Variants in CALN1 observed in about 807,000 individuals in gnomAD.
CALN1 encodes the protein calcium-binding protein 8.
CALN1 carries 17 observed loss-of-function variants against 30.6 expected under a neutral mutation model. The observed-to-expected ratio is 0.56, with a 90% CI of 0.38 to 0.83. The LOEUF is 0.83. Ranked by LOEUF, CALN1 falls within the 40% of genes least tolerant of loss-of-function variation. The pLI, the probability that CALN1 is intolerant of heterozygous loss-of-function variation, is 0.00. For synonymous variants in CALN1, 156 were observed against 131.4 expected (o/e 1.19, Z -1.28); for missense variants, 291 against 354.9 (o/e 0.82, Z 1.45).
chr7:72,387,574 C>T lies in CALN1; in HGVS notation c.119+15677G>A, dbSNP rs545122681. 1.4e-3 allele frequency among the ~76,000 whole-genome samples: 219 copies of T among 152,128 alleles called. 8 individuals are homozygous for T. In the South Asian group the frequency reaches 0.044, roughly 31 times the overall value. ...TTTGATACAATGTGATGAAAATGGC[C>T]CTTCCCCTCTGTGATCTTCCTCCCC... On this transcript the variant is annotated intron_variant, in intron 2 of 6. Coordinates refer to ENST00000395275, the MANE Select transcript of CALN1 (RefSeq NM_031468.4).
chr7:72,381,847 A>G (rs1408650993), intron 2 of CALN1, among the ~76,000 whole-genome samples: 1 of 152,244 alleles, frequency 6.6e-6, no homozygotes, highest in Non-Finnish European at 1.5e-5. Context: ...CATGTATCCC[A>G]GAACTTAAAG....
intron 5 of CALN1, among the ~76,000 whole-genome samples, chr7:71,977,030 C>T (rs1166556814): frequency 6.6e-6 from 1 of 152,186 alleles, no homozygotes; most frequent in Non-Finnish European, 1.5e-5. Flanking sequence ...AAGCCAACCA[C>T]AAACAGACGA....
At chr7:72,483,478 T>C in the CALN1 span, among the ~76,000 whole-genome samples, 285 of 152,118 alleles carry the variant, frequency 1.9e-3, 6 homozygotes, top group East Asian at 0.054. Context: ...AGAGACGGAG[T>C]TTCACCATGT....
intron 4 of CALN1, among the ~76,000 whole-genome samples, chr7:72,053,565 G>A (rs1396387870): frequency 6.6e-6 from 1 of 151,994 alleles, no homozygotes; most frequent in Non-Finnish European, 1.5e-5. Flanking sequence ...AACCTTACCA[G>A]CATGTGTCAT....
chr7:72,364,257 G>A (rs1237513719), intron 2 of CALN1, among the ~76,000 whole-genome samples: 2 of 151,284 alleles, frequency 1.3e-5, no homozygotes, highest in South Asian at 4.2e-4. Context: ...AGAAATCCCA[G>A]TGAGATTTAG....
intron 2 of CALN1, among the ~76,000 whole-genome samples, chr7:72,323,154 C>G (rs2968531): frequency 0.35 from 53,355 of 151,614 alleles, 10,217 homozygotes; most frequent in Middle Eastern, 0.52. Context: ...TGAGAGGGAC[C>G]CTGTAGAGAG....
the CALN1 span, among the ~76,000 whole-genome samples, chr7:72,459,475 C>T: frequency 2.6e-5 from 4 of 152,158 alleles, no homozygotes; most frequent in Middle Eastern, 6.8e-3. Context: ...CAGAGGCAAG[C>T]TAAGCTGGGC....
chr7:71,879,483 C>T (rs1192786691), intron 5 of CALN1, among the ~76,000 whole-genome samples: 1 of 152,174 alleles, frequency 6.6e-6, no homozygotes, highest in Non-Finnish European at 1.5e-5. Flanking sequence ...GAGGTGGAGG[C>T]TTCCCTTCCA....
At chr7:72,254,425 G>GCAT (rs1795775157) in intron 3 of CALN1, among the ~76,000 whole-genome samples, 1 of 152,114 alleles carries the variant, frequency 6.6e-6, no homozygotes, top group African/African-American at 2.4e-5. Flanking sequence ...CGTGATGCAT[G>GCAT]AGTCCCCTGC....
chr7:71,797,459 C>A (rs921252172), intron 6 of CALN1, among the ~76,000 whole-genome samples: 2 of 152,094 alleles, frequency 1.3e-5, no homozygotes, highest in African/African-American at 4.8e-5. Context: ...TTTGTATACA[C>A]CAATGATATC....
chr7:72,315,131 CAG>C (rs1200575048), intron 2 of CALN1, among the ~76,000 whole-genome samples: 1 of 151,998 alleles, frequency 6.6e-6, no homozygotes, highest in African/African-American at 2.4e-5. Flanking sequence ...GCCTAGGTGA[CAG>C]AGTGAGACCC....
At chr7:72,026,160 C>T (rs10229928) in intron 4 of CALN1, among the ~76,000 whole-genome samples, 34,929 of 152,070 alleles carry the variant, frequency 0.23, 5,355 homozygotes, top group African/African-American at 0.43. Context: ...GCACACTAGT[C>T]GATGCTGCCA....
chr7:72,487,623 T>C, the CALN1 span, among the ~76,000 whole-genome samples: 2 of 148,300 alleles, frequency 1.3e-5, no homozygotes, highest in South Asian at 2.1e-4. Flanking sequence ...GAGGCAGAGG[T>C]TGCAGTGAGC....
At chr7:71,854,441 T>C (rs1169960971) in intron 5 of CALN1, among the ~76,000 whole-genome samples, 2 of 152,018 alleles carry the variant, frequency 1.3e-5, no homozygotes, top group Non-Finnish European at 2.9e-5. Flanking sequence ...GAGATATCAA[T>C]GAAATCAGGA....
At chr7:72,283,472 C>T (rs572842533) in intron 2 of CALN1, among the ~76,000 whole-genome samples, 2 of 152,126 alleles carry the variant, frequency 1.3e-5, no homozygotes, top group Admixed American at 1.3e-4. Context: ...TAATTTGAGA[C>T]TTCAGAGAGC....
chr7:72,185,157 C>T (rs189059522), intron 3 of CALN1, among the ~76,000 whole-genome samples: 2 of 152,072 alleles, frequency 1.3e-5, no homozygotes, highest in Admixed American at 1.3e-4. Context: ...GTGCAGTTGA[C>T]TTGAAGGTCC....
chr7:71,903,295 CA>C (rs1329227415), intron 5 of CALN1, among the ~76,000 whole-genome samples: 1 of 151,738 alleles, frequency 6.6e-6, no homozygotes, highest in Admixed American at 6.6e-5. Flanking sequence ...TACCTAACTT[CA>C]AAAAAATACT....
rs868168814 is a variant in CALN1, at chr7:72,278,472, T to C, written c.244+214A>G. 5.0e-4 allele frequency among the ~76,000 whole-genome samples: 72 copies of C among 144,082 alleles called. 1 individual carries two copies. The highest frequency in any genetic ancestry group is 7.1e-3 in the Middle Eastern group (2 of 280). The allele number at this position is 144,082 out of a possible 152,430, so 94.5% of individuals were successfully genotyped here. ...TAGATTGCTCAGGCTATCAGGTCTG[T>C]ACACACACACACACACACACACACA... is the stretch of plus-strand genomic sequence containing the variant. On this transcript the variant is annotated intron_variant, in intron 3 of 6. Transcript: ENST00000395275.
At chr7:72,090,502 C>T (rs1298740916) in intron 4 of CALN1, among the ~76,000 whole-genome samples, 1 of 151,954 alleles carries the variant, frequency 6.6e-6, no homozygotes, top group Non-Finnish European at 1.5e-5. Context: ...GTCCAATTTC[C>T]CATCCTAGTT....
Sources: allele counts gnomAD v4.1 joint callset (sites outside exome capture counted in the v4.1 genomes callset), GRCh38; gene constraint gnomAD v4.1.1; transcripts MANE v1.5; gene names NCBI Gene and HGNC (gene_info 2026-07-23, HGNC 2026-07-21).